RNF121: variants seen among roughly 807,000 people sequenced by gnomAD.
RNF121 encodes E3 ubiquitin ligase RNF121.
Under a neutral mutation model 46.5 loss-of-function variants are expected in RNF121, and 21 were observed. The observed-to-expected ratio is 0.45, with a 90% confidence interval of 0.32 to 0.65. The LOEUF (loss-of-function observed/expected upper bound fraction) is 0.65. Ranked by LOEUF, RNF121 falls within the 30% of genes least tolerant of loss-of-function variation. RNF121 has a pLI of 0.04. For missense variants in RNF121, 346 were observed against 416.0 expected, an observed-to-expected ratio of 0.83 and a Z score of 1.46; for synonymous variants, 139 against 144.7, an observed-to-expected ratio of 0.96 and a Z score of 0.28.
intron 1 of RNF121, among the ~76,000 whole-genome samples, chr11:71,944,160 C>T (rs999001641): frequency 2.0e-5 from 3 of 151,962 alleles, no homozygotes; most frequent in Non-Finnish European, 4.4e-5. Context: ...GATGAAACCC[C>T]GTCTCTACTA....
chr11:71,980,909 TAAATA>T (rs1184567161), intron 3 of RNF121, among the ~76,000 whole-genome samples: 2 of 152,250 alleles, frequency 1.3e-5, no homozygotes, highest in Non-Finnish European at 2.9e-5. Flanking sequence ...TGTATTGGAA[TAAATA>T]AAATATATCA....
At chr11:71,942,648 C>G (rs967585538) in intron 1 of RNF121, among the ~76,000 whole-genome samples, 6 of 151,556 alleles carry the variant, frequency 4.0e-5, no homozygotes, top group Admixed American at 2.0e-4. Context: ...CCAGTAATCC[C>G]GGCTACTCTG....
At chr11:71,991,130 A>G (rs1346305158) in intron 6 of RNF121, among the ~76,000 whole-genome samples, 1 of 152,202 alleles carries the variant, frequency 6.6e-6, no homozygotes, top group Admixed American at 6.5e-5. Flanking sequence ...TGCTCATTAC[A>G]TGGGCAACAG....
chr11:71,957,988 C>G (rs920175758), intron 2 of RNF121, among the ~76,000 whole-genome samples: 1 of 152,110 alleles, frequency 6.6e-6, no homozygotes, highest in African/African-American at 2.4e-5. Context: ...GCAAAAATAC[C>G]TGTTCACATG....
intron 2 of RNF121, among the ~76,000 whole-genome samples, chr11:71,959,312 G>A (rs1954070889): frequency 6.6e-6 from 1 of 152,164 alleles, no homozygotes; most frequent in Non-Finnish European, 1.5e-5. Flanking sequence ...ACATAGAAAA[G>A]TTGAAAGAAT....
chr11:71,993,259 A>G (rs1169255943), intron 6 of RNF121, among the ~76,000 whole-genome samples: 1 of 152,250 alleles, frequency 6.6e-6, no homozygotes, highest in Non-Finnish European at 1.5e-5. Context: ...ATTTTGAAGT[A>G]TACAATTCAT....
chr11:71,930,167 GAT>G (rs1204266566), intron 1 of RNF121, among the ~76,000 whole-genome samples: 1 of 152,216 alleles, frequency 6.6e-6, no homozygotes. Flanking sequence ...TGGAGACATT[GAT>G]AGCTAGTGGT....
chr11:71,977,430 C>G (rs1954550515), intron 3 of RNF121, among the ~76,000 whole-genome samples: 2 of 152,206 alleles, frequency 1.3e-5, no homozygotes, highest in African/African-American at 4.8e-5. Flanking sequence ...TACCAACACA[C>G]CTTCTACTGA....
intron 3 of RNF121, among the ~76,000 whole-genome samples, chr11:71,967,623 A>G (rs1336662644): frequency 6.6e-6 from 1 of 151,834 alleles, no homozygotes; most frequent in East Asian, 1.9e-4. Context: ...TGGTTTCACC[A>G]TGTTGGCCAG....
rs545066726 is a variant in RNF121 at position 71,942,810 on chromosome 11, AC to A, written c.63+13687del. On this transcript the variant is annotated intron_variant, in intron 1 of 8. Transcript: ENST00000361756. ...TATATAGATATATATATGTACACAC[AC>A]ACACACACACACATATATATGTATA... Among the ~76,000 whole-genome samples the A allele has an allele frequency of 3.6e-3, 550 of 151,678 alleles. 5 individuals are homozygous for A. The highest frequency in any genetic ancestry group is 0.012 in the African/African-American group (478 of 41,324).
At chr11:71,930,916 T>C (rs1953264852) in intron 1 of RNF121, among the ~76,000 whole-genome samples, 1 of 152,206 alleles carries the variant, frequency 6.6e-6, no homozygotes, top group South Asian at 2.1e-4. Flanking sequence ...CACCACAACC[T>C]CTGCCTTCTG....
chr11:71,973,477 T>TGA (rs1189365387), intron 3 of RNF121, among the ~76,000 whole-genome samples: 1 of 149,846 alleles, frequency 6.7e-6, no homozygotes, highest in African/African-American at 2.5e-5. Context: ...GGCAACAGAG[T>TGA]GAGACCCTGT....
chr11:71,994,892 A>G (rs551803731), intron 7 of RNF121, 40 bp downstream of exon 7: 7 of 1,613,490 alleles, frequency 4.3e-6, no homozygotes, highest in East Asian at 2.2e-5. Flanking sequence ...CTCTCCTGCA[A>G]TCTGCACACT....
At chr11:71,968,945 G>A (rs1210244896) in intron 3 of RNF121, among the ~76,000 whole-genome samples, 1 of 147,194 alleles carries the variant, frequency 6.8e-6, no homozygotes, top group Admixed American at 6.9e-5. Context: ...GAATGCAGTG[G>A]CGCGATCTCG....
In RNF121 at chr11:71,987,121, CTTTGTT is replaced by C; in HGVS notation, c.506+21_506+26del. 1 of 1,565,760 alleles carries C rather than the reference CTTTGTT, an allele frequency of 6.4e-7. No individual in the cohort carries two copies. On this transcript the variant is annotated intron_variant, in intron 5 of 8. Transcript: ENST00000361756. ...TTAACTTATTATTCAAGTGAGTACC[CTTTGTT>C]TTTGTTTTTGCTGGAGTTTGGGGAG...
At chr11:71,929,987 C>G (rs926340122) in intron 1 of RNF121, among the ~76,000 whole-genome samples, 1 of 152,108 alleles carries the variant, frequency 6.6e-6, no homozygotes, top group Admixed American at 6.6e-5. Flanking sequence ...AAGGTGAGCT[C>G]CTTGAGATTG....
chr11:71,971,345 C>T (rs762485320), intron 3 of RNF121, among the ~76,000 whole-genome samples: 4 of 152,154 alleles, frequency 2.6e-5, no homozygotes, highest in Non-Finnish European at 5.9e-5. Context: ...GATCATGGCA[C>T]TTGACTACAT....
chr11:71,984,242 A>T (rs1954720020), intron 4 of RNF121, among the ~76,000 whole-genome samples: 3 of 152,282 alleles, frequency 2.0e-5, no homozygotes, highest in African/African-American at 7.2e-5. Flanking sequence ...ATAATTGAAA[A>T]TATGTCTGTA....
At chr11:71,986,769 CAAAAAAA>C (rs11315989) in intron 4 of RNF121, among the ~76,000 whole-genome samples, 13 of 71,968 alleles carry the variant, frequency 1.8e-4, no homozygotes, top group African/African-American at 6.8e-4. Context: ...ACTCTCATCT[CAAAAAAA>C]AAAAAAAAAA....
Sources: allele counts gnomAD v4.1 joint callset (sites outside exome capture counted in the v4.1 genomes callset), GRCh38; gene constraint gnomAD v4.1.1; transcripts MANE v1.5; gene names NCBI Gene and HGNC (gene_info 2026-07-23, HGNC 2026-07-21).